ME1: variants seen among roughly 807,000 people sequenced by gnomAD.
ME1 encodes NADP-dependent malic enzyme.
In ME1, 74 loss-of-function variants were observed where a neutral mutation model predicts 66.4. The observed-to-expected ratio is 1.11, with a 90% CI of 0.92 to 1.35. The LOEUF is 1.35. Among genes scored for constraint, ME1 ranks in the 40% most tolerant of loss-of-function variants. ME1 has a pLI of 0.00. For synonymous variants in ME1, 251 were observed against 235.6 expected, an observed-to-expected ratio of 1.07 and a Z score of -0.60; for missense variants, 750 against 694.1, an observed-to-expected ratio of 1.08 and a Z score of -0.90.
intron 6 of ME1, among the ~76,000 whole-genome samples, chr6:83,313,452 G>A (rs1144181): frequency 0.34 from 51,499 of 151,426 alleles, 9,117 homozygotes; most frequent in Middle Eastern, 0.5. Flanking sequence ...AAATTTGTTC[G>A]TATCTCATTT....
intron 3 of ME1, among the ~76,000 whole-genome samples, chr6:83,362,357 T>G (rs763425945): frequency 5.3e-5 from 8 of 152,192 alleles, no homozygotes. Flanking sequence ...ATGTGAGTGC[T>G]CACTAATGGG....
intron 5 of ME1, among the ~76,000 whole-genome samples, chr6:83,329,389 G>A (rs930774068): frequency 3.3e-5 from 5 of 152,048 alleles, no homozygotes; most frequent in Non-Finnish European, 7.4e-5. Context: ...GAAAGCTTTC[G>A]TGTCAATAGA....
intron 1 of ME1, among the ~76,000 whole-genome samples, chr6:83,415,062 C>T (rs146043459): frequency 1.2e-4 from 19 of 152,266 alleles, no homozygotes; most frequent in East Asian, 3.9e-4. Flanking sequence ...AGTTATCATA[C>T]GTACCTTTAT....
chr6:83,235,730 C>T (rs1476809252), intron 9 of ME1, among the ~76,000 whole-genome samples: 1 of 152,114 alleles, frequency 6.6e-6, no homozygotes, highest in Admixed American at 6.5e-5. Context: ...CCTCGGCCTC[C>T]CAAAGTGCTG....
At chr6:83,361,106 T>C (rs1031454804) in intron 3 of ME1, among the ~76,000 whole-genome samples, 5 of 152,356 alleles carry the variant, frequency 3.3e-5, no homozygotes, top group East Asian at 1.9e-4. Context: ...GTCCATTACA[T>C]TGATGACATT....
chr6:83,269,089 A>T (rs1225843880), intron 6 of ME1, among the ~76,000 whole-genome samples: 1 of 152,140 alleles, frequency 6.6e-6, no homozygotes, highest in East Asian at 1.9e-4. Flanking sequence ...CTTTCCTTAG[A>T]TATCTGTGTA....
chr6:83,314,835 C>A (rs953627799), intron 6 of ME1, among the ~76,000 whole-genome samples: 3 of 152,140 alleles, frequency 2.0e-5, no homozygotes, highest in Admixed American at 6.6e-5. Context: ...CCATTCTGGA[C>A]CCCTGTGGAC....
intron 6 of ME1, among the ~76,000 whole-genome samples, chr6:83,287,157 CT>C (rs1246625114): frequency 1.3e-5 from 2 of 151,950 alleles, no homozygotes; most frequent in African/African-American, 2.4e-5. Flanking sequence ...TCATCATAAT[CT>C]TTTTTTAAAA....
intron 3 of ME1, among the ~76,000 whole-genome samples, chr6:83,367,430 T>C (rs562847928): frequency 3.2e-4 from 49 of 152,320 alleles, no homozygotes; most frequent in Middle Eastern, 3.4e-3. Flanking sequence ...TCTCTAGCTA[T>C]GAAAGTCCTA....
intron 6 of ME1, among the ~76,000 whole-genome samples, chr6:83,309,911 G>A (rs1402730017): frequency 1.3e-5 from 2 of 152,128 alleles, no homozygotes; most frequent in South Asian, 2.1e-4. Context: ...AATTCTGTAT[G>A]TTGGGCTTCA....
intron 3 of ME1, among the ~76,000 whole-genome samples, chr6:83,378,452 T>C (rs1334651625): frequency 6.6e-6 from 1 of 152,106 alleles, no homozygotes; most frequent in African/African-American, 2.4e-5. Context: ...AAGAATTTTC[T>C]CTACTTGGTA....
intron 6 of ME1, among the ~76,000 whole-genome samples, chr6:83,282,666 A>T (rs947193236): frequency 6.6e-6 from 1 of 152,142 alleles, no homozygotes; most frequent in Admixed American, 6.5e-5. Context: ...TGGTGGGAGT[A>T]TAAGTTAGTT....
intron 2 of ME1, among the ~76,000 whole-genome samples, chr6:83,402,306 G>C (rs1172861385): frequency 6.6e-6 from 1 of 152,138 alleles, no homozygotes; most frequent in African/African-American, 2.4e-5. Flanking sequence ...CATAGGTCTA[G>C]GAATCAAGGG....
At chr6:83,279,572 C>T (rs906514501) in intron 6 of ME1, among the ~76,000 whole-genome samples, 1 of 151,694 alleles carries the variant, frequency 6.6e-6, no homozygotes, top group Admixed American at 6.6e-5. Flanking sequence ...GAAACGTCAA[C>T]AGAAACTTCC....
At chr6:83,408,250 A>T (rs1769984390) in intron 1 of ME1, among the ~76,000 whole-genome samples, 1 of 152,214 alleles carries the variant, frequency 6.6e-6, no homozygotes. Context: ...TTATTAGAAG[A>T]GATTTTAAAA....
chr6:83,235,764 G>A (rs1410524094), intron 9 of ME1, among the ~76,000 whole-genome samples: 1 of 152,058 alleles, frequency 6.6e-6, no homozygotes, highest in Non-Finnish European at 1.5e-5. Flanking sequence ...GAGCCACCAC[G>A]CACAGCCAGC....
chr6:83,247,551 C>T (rs1332080852), intron 7 of ME1, among the ~76,000 whole-genome samples: 1 of 151,644 alleles, frequency 6.6e-6, no homozygotes, highest in East Asian at 1.9e-4. Context: ...AGAAAAGAGT[C>T]CACCCAAGGG....
chr6:83,361,445 G>T (rs564775555), intron 3 of ME1, among the ~76,000 whole-genome samples: 2 of 152,294 alleles, frequency 1.3e-5, no homozygotes, highest in South Asian at 4.1e-4. Flanking sequence ...GTTTTGAGTG[G>T]GGTCCAAAAC....
At chr6:83,283,651 C>T (rs555608573) in intron 6 of ME1, among the ~76,000 whole-genome samples, 18 of 151,904 alleles carry the variant, frequency 1.2e-4, no homozygotes, top group Non-Finnish European at 2.1e-4. Context: ...AAGAAATATG[C>T]GATTATATAA....
Sources: allele counts gnomAD v4.1 joint callset (sites outside exome capture counted in the v4.1 genomes callset), GRCh38; gene constraint gnomAD v4.1.1; transcripts MANE v1.5; gene names NCBI Gene and HGNC (gene_info 2026-07-23, HGNC 2026-07-21).